Variants in COL17A1 observed in about 807,000 individuals in gnomAD.
COL17A1 encodes the protein collagen type XVII alpha 1 chain, also known as collagen alpha-1(XVII) chain.
A neutral mutation model predicts 218.4 loss-of-function variants in COL17A1; 181 were observed. The ratio of observed to expected loss-of-function variants is 0.83; its 90% CI spans 0.73 to 0.94. The LOEUF (loss-of-function observed/expected upper bound fraction) is 0.94. Ranked by LOEUF, COL17A1 falls within the 40% of genes least tolerant of loss-of-function variation. The pLI, the probability that COL17A1 is intolerant of heterozygous loss-of-function variation, is 0.00. For missense variants in COL17A1, 1,924 were observed against 1,945.9 expected, an observed-to-expected ratio of 0.99 and a Z score of 0.21; for synonymous variants, 721 against 731.0, an observed-to-expected ratio of 0.99 and a Z score of 0.22.
chr10:104,069,236 C>G (rs1262636622), intron 9 of COL17A1, among the ~76,000 whole-genome samples: 1 of 152,200 alleles, frequency 6.6e-6, no homozygotes, highest in Admixed American at 6.5e-5. Flanking sequence ...TAAACCACCT[C>G]TCCGGCTGGG....
At position 104,057,181 on chromosome 10, in the gene COL17A1, G is replaced by C; in HGVS notation, c.1268-9C>G. 6.2e-7 allele frequency: 1 copy of C among 1,614,012 alleles called. No individual in the cohort carries two copies. The highest frequency in any genetic ancestry group is 1.1e-5 in the South Asian group (1 of 91,076). On this transcript the variant is annotated splice_polypyrimidine_tract_variant and intron_variant, in intron 16 of 55. Transcript: ENST00000648076. Reference sequence around the variant, plus strand: ...GCCGTAGCTGTGGATATCTGTGAAAGAGACAGGGAAAATGAAGCAAATGCA... The same window carrying C: ...GCCGTAGCTGTGGATATCTGTGAAACAGACAGGGAAAATGAAGCAAATGCA...
chr10:104,033,612 C>T (rs567465866), intron 52 of COL17A1, among the ~76,000 whole-genome samples: 7 of 152,304 alleles, frequency 4.6e-5, no homozygotes, highest in Admixed American at 1.3e-4. Context: ...TTAAGCTGCG[C>T]GGGGAAAGGA....
At position 104,085,847 on chromosome 10, in the gene COL17A1, G is replaced by A. The variant is rs1463743118; in HGVS notation, c.-136C>T. ...TTTTTTTTATCCAGACCCAGCCAAG[G>A]TGTGTTAAAGCTGAGTGATCTTTCA... On this transcript the variant is annotated 5_prime_UTR_variant, in exon 1 of 56. Coordinates refer to ENST00000648076, the MANE Select transcript of COL17A1 (RefSeq NM_000494.4). The A allele has an allele frequency of 6.6e-6, 1 of 152,538 alleles. No individual in the cohort carries two copies. Among genetic ancestry groups the A allele is most frequent in the Non-Finnish European group, 1.5e-5 (1 of 68,026 alleles). The allele number at this position is 152,538 out of a possible 1,614,324, so 9.4% of individuals were successfully genotyped here. A position where few individuals can be genotyped will look rare whatever the true frequency, so the allele number is the denominator to read the frequency against.
chr10:104,076,332 C>A lies in COL17A1; in HGVS notation c.300G>T (p.Arg100Ser), dbSNP rs898789292. 4 of 1,613,962 alleles carry A rather than the reference C, an allele frequency of 2.5e-6. No individual in the cohort carries two copies. The African/African-American group carries it at 5.3e-5, about 22-fold the overall frequency. The change falls in exon 5 of 56, where the codon AGG becomes AGT. Residue 100 changes from arginine (R) to serine (S), a missense_variant. By Grantham distance (110) the Arg-to-Ser change is moderately radical. Transcript: ENST00000648076. ...LPNSPGSTFE[R>S]KTHVTRHAYE... is the part of the protein sequence containing the mutation. Reference sequence around the variant, plus strand: ...ACGCATGGCGGGTAACGTGAGTTTTCCTTTCAAAGGTTGAGCCTGGGGAGT... The same window carrying A: ...ACGCATGGCGGGTAACGTGAGTTTTACTTTCAAAGGTTGAGCCTGGGGAGT...
chr10:104,079,387 GTA>G (rs1446135544), intron 2 of COL17A1, among the ~76,000 whole-genome samples: 1 of 152,144 alleles, frequency 6.6e-6, no homozygotes, highest in Non-Finnish European at 1.5e-5. Flanking sequence ...ATGTGTGCAT[GTA>G]TGTGTGTGTG....
At chr10:104,070,115 G>C (rs1231696454) in intron 9 of COL17A1, among the ~76,000 whole-genome samples, 1 of 151,982 alleles carries the variant, frequency 6.6e-6, no homozygotes, top group Non-Finnish European at 1.5e-5. Context: ...TGGAAAGTAG[G>C]GAATATCCAA....
intron 16 of COL17A1, among the ~76,000 whole-genome samples, chr10:104,057,801 G>A (rs1430332532): frequency 6.6e-6 from 1 of 152,168 alleles, no homozygotes; most frequent in Non-Finnish European, 1.5e-5. Context: ...AGGGGCTGGA[G>A]GCGTGCATGG....
At chr10:104,044,917 A>G (rs1327904787) in intron 33 of COL17A1, among the ~76,000 whole-genome samples, 1 of 152,220 alleles carries the variant, frequency 6.6e-6, no homozygotes, top group Non-Finnish European at 1.5e-5. Context: ...TTTTGGAATT[A>G]CATTTAGTTA....
At chr10:104,077,338 C>T (rs920405984) in intron 4 of COL17A1, 84 bp downstream of exon 4, 1 of 1,034,468 alleles carries the variant, frequency 9.7e-7, no homozygotes, top group Admixed American at 2.0e-5. Flanking sequence ...ATTGTGTCTG[C>T]CCTGTGTCCT....
intron 19 of COL17A1, 159 bp downstream of exon 19, chr10:104,055,213 G>A (rs142223125): frequency 2.1e-6 from 3 of 1,449,122 alleles, no homozygotes; most frequent in Non-Finnish European, 2.9e-6. Context: ...AAGATATTCT[G>A]ACTCTAAAAC....
chr10:104,035,225 A>C, intron 50 of COL17A1, 38 bp downstream of exon 50: 1 of 1,566,220 alleles, frequency 6.4e-7, no homozygotes, highest in Non-Finnish European at 8.7e-7. Flanking sequence ...GCCCGGCTGC[A>C]TCCCCTGCCC....
chr10:104,043,880 C>T lies in COL17A1; in HGVS notation c.2399-20G>A, dbSNP rs1348260743. 6.2e-7 allele frequency: 1 copy of T among 1,614,042 alleles called. No individual in the cohort carries two copies. Among genetic ancestry groups the T allele is most frequent in the Non-Finnish European group, 8.5e-7 (1 of 1,180,008 alleles). On this transcript the variant is annotated intron_variant, in intron 33 of 55. Coordinates refer to ENST00000648076, the MANE Select transcript of COL17A1 (RefSeq NM_000494.4). ...GTTCACCTAGGAAGAGAGGAAAAGGCTGAGAGTGGTTGTTCTGAGGATCAA... is the reference window on the plus strand; with the variant it reads ...GTTCACCTAGGAAGAGAGGAAAAGGTTGAGAGTGGTTGTTCTGAGGATCAA...
chr10:104,075,057 A>G (rs2086698723), intron 5 of COL17A1, among the ~76,000 whole-genome samples: 1 of 152,066 alleles, frequency 6.6e-6, no homozygotes, highest in Non-Finnish European at 1.5e-5. Flanking sequence ...CCTTGTCCCT[A>G]AAAGACTCTT....
At chr10:104,050,734 A>T in intron 26 of COL17A1, 78 bp from the exon 27 acceptor site, 1 of 1,614,050 alleles carries the variant, frequency 6.2e-7, no homozygotes, top group Non-Finnish European at 8.5e-7. Flanking sequence ...GTCTCTGAAG[A>T]CAGGCTCCCT....
rs540348616 is a variant in COL17A1 at position 104,077,507 on chromosome 10, G to C, written c.117C>G (p.Gly39=). ...CACCAAGAGAGGCTGTTTTAGCATA[G>C]CCATTGCTGGTCCCGCCTTCTGCCA... is the stretch of plus-strand genomic sequence containing the variant. ...SLPPKGGTSN[G]YAKTASLGGG... is the part of the protein sequence containing the mutation. Residue 39 remains glycine (G), a synonymous_variant, in exon 4 of 56, where the codon GGC becomes GGG. Coordinates refer to ENST00000648076, the MANE Select transcript of COL17A1 (RefSeq NM_000494.4). The C allele has an allele frequency of 6.2e-7, 1 of 1,612,716 alleles. No individual in the cohort carries two copies. Among genetic ancestry groups the C allele is most frequent in the African/African-American group, 1.3e-5 (1 of 75,002 alleles).
At chr10:104,072,161 T>A in intron 7 of COL17A1, 82 bp from the exon 8 acceptor site, 2 of 1,591,026 alleles carry the variant, frequency 1.3e-6, no homozygotes, top group Non-Finnish European at 8.6e-7. Flanking sequence ...TAGCAGCAGA[T>A]GGCCCTTTAG....
intron 15 of COL17A1, among the ~76,000 whole-genome samples, chr10:104,058,793 A>C (rs1488704959): frequency 2.0e-5 from 3 of 151,938 alleles, no homozygotes; most frequent in African/African-American, 7.3e-5. Context: ...AATTAGCTGG[A>C]TGTGGTGGCA....
At chr10:104,053,590 G>A (rs887769184) in intron 22 of COL17A1, among the ~76,000 whole-genome samples, 1 of 151,538 alleles carries the variant, frequency 6.6e-6, no homozygotes, top group African/African-American at 2.4e-5. Flanking sequence ...TCGAATCTTT[G>A]CTCAAATGGT....
chr10:104,044,969 T>A (rs1458589552), intron 33 of COL17A1, among the ~76,000 whole-genome samples: 3 of 152,008 alleles, frequency 2.0e-5, no homozygotes, highest in Non-Finnish European at 4.4e-5. Context: ...TTGGAAATGA[T>A]TTCTGGAAAG....
Sources: gnomAD v4.1 joint callset for allele counts (sites outside exome capture counted in the v4.1 genomes callset) on GRCh38, gnomAD v4.1.1 for gene constraint, MANE v1.5 for transcripts, NCBI Gene and HGNC (gene_info 2026-07-23, HGNC 2026-07-21) for gene names.